SEC62: variants seen among roughly 807,000 people sequenced by gnomAD.
SEC62 encodes translocation protein SEC62.
Under a neutral mutation model 47.5 loss-of-function variants are expected in SEC62, and 10 were observed. The ratio of observed to expected loss-of-function variants is 0.21; its 90% CI spans 0.13 to 0.36. SEC62 has a LOEUF of 0.36. SEC62 is among the 10% of genes least tolerant of loss of function. The probability of loss-of-function intolerance (pLI) is 1.00; values close to 1 mark genes in which losing one functional copy is unlikely to be tolerated. For missense variants in SEC62, 327 were observed against 464.1 expected (o/e 0.70, Z 2.71); for synonymous variants, 136 against 150.5 (o/e 0.90, Z 0.71).
rs534381062 is a variant in SEC62 at position 169,992,066 on chromosome 3, A to T, written c.731-528A>T. 2.0e-5 allele frequency among the ~76,000 whole-genome samples: 3 copies of T among 152,224 alleles called. No individual in the cohort carries two copies. The highest frequency in any genetic ancestry group is 7.2e-5 in the African/African-American group (3 of 41,538). Reference sequence around the variant, plus strand: ...ATGCAGCCCTGCTTTTCCTTCTTAAAGGCTTCCTTCCTAAACACCTTTCAT... The same window carrying T: ...ATGCAGCCCTGCTTTTCCTTCTTAATGGCTTCCTTCCTAAACACCTTTCAT... On this transcript the variant is annotated intron_variant, in intron 7 of 7. Transcript: ENST00000337002. The surrounding 1 kb of genome is among the most constrained non-coding windows in gnomAD (Gnocchi z 4.0).
chr3:169,992,786 A>G lies in SEC62; in HGVS notation c.923A>G (p.Asp308Gly). ...GAAACCAAAAAGCAACAGAAGTCCG[A>G]CAGTGAGGAAAAGTCAGACAGTGAG... ...KSETKKQQKS[D>G]SEEKSDSEKK... The change falls in exon 8 of 8, where the codon GAC becomes GGC. Residue 308 changes from aspartate (D) to glycine (G), a missense_variant. Coordinates refer to ENST00000337002, the MANE Select transcript of SEC62 (RefSeq NM_003262.4). This position sits in a 1 kb window ranked among gnomAD's most constrained non-coding sequence, Gnocchi z 4.0. The G allele has an allele frequency of 1.9e-6, 3 of 1,614,150 alleles. No individual in the cohort carries two copies. Among genetic ancestry groups the G allele is most frequent in the Non-Finnish European group, 2.5e-6 (3 of 1,180,034 alleles).
In SEC62 at chr3:169,995,405, T is replaced by C. The variant is rs1440392127; in HGVS notation, c.*2342T>C. ...AGGTATTTTTCCTTTTCCCTCTTAC[T>C]GGATTTTTCAATTTTCAAACCATAT... is the stretch of plus-strand genomic sequence containing the variant. On this transcript the variant is annotated 3_prime_UTR_variant, in exon 8 of 8. Transcript: ENST00000337002. The C allele has an allele frequency of 6.6e-6, 1 of 152,222 alleles. No individual in the cohort carries two copies. The highest frequency in any genetic ancestry group is 1.5e-5 in the Non-Finnish European group (1 of 68,034). The allele number at this position is 152,222 out of a possible 1,614,324, so 9.4% of individuals were successfully genotyped here. A position where few individuals can be genotyped will look rare whatever the true frequency, so the allele number is the denominator to read the frequency against.
At chr3:169,970,970 T>C (rs888903781) in intron 1 of SEC62, among the ~76,000 whole-genome samples, 2 of 152,266 alleles carry the variant, frequency 1.3e-5, no homozygotes, top group South Asian at 2.1e-4. Flanking sequence ...TACCTTCTTA[T>C]GCTGCATCAG....
At chr3:169,973,151 G>A (rs2108280431) in intron 1 of SEC62, among the ~76,000 whole-genome samples, 1 of 152,276 alleles carries the variant, frequency 6.6e-6, no homozygotes, top group South Asian at 2.1e-4. Context: ...GAAGTGTAGT[G>A]TATTTTACAA....
intron 1 of SEC62, among the ~76,000 whole-genome samples, chr3:169,973,152 T>C (rs1247583094): frequency 6.6e-6 from 1 of 152,226 alleles, no homozygotes; most frequent in Non-Finnish European, 1.5e-5. Flanking sequence ...AAGTGTAGTG[T>C]ATTTTACAAA....
chr3:169,971,802 T>G (rs1714705469), intron 1 of SEC62, among the ~76,000 whole-genome samples: 1 of 152,216 alleles, frequency 6.6e-6, no homozygotes, highest in African/African-American at 2.4e-5. Flanking sequence ...AGTAGATTAG[T>G]ATATTTATGT....
Position 169,993,264 on chromosome 3 carries a change from A to G in SEC62, c.*201A>G. 2.0e-6 allele frequency: 1 copy of G among 504,698 alleles called. No individual in the cohort carries two copies. The highest frequency in any genetic ancestry group is 3.1e-5 in the South Asian group (1 of 32,574). The allele number at this position is 504,698 out of a possible 1,614,324, so 31.3% of individuals were successfully genotyped here. A position where few individuals can be genotyped will look rare whatever the true frequency, so the allele number is the denominator to read the frequency against. ...ATTGGTACAGTTTAAAGCCATTAATATGTTTTATCCATTTGATAATTTTAC... is the reference window on the plus strand; with the variant it reads ...ATTGGTACAGTTTAAAGCCATTAATGTGTTTTATCCATTTGATAATTTTAC... On this transcript the variant is annotated 3_prime_UTR_variant, in exon 8 of 8. Coordinates refer to ENST00000337002, the MANE Select transcript of SEC62 (RefSeq NM_003262.4).
At chr3:169,973,649 C>G (rs1714760463) in intron 1 of SEC62, among the ~76,000 whole-genome samples, 1 of 143,432 alleles carries the variant, frequency 7.0e-6, no homozygotes, top group Non-Finnish European at 1.5e-5. Context: ...GGAGACAGAG[C>G]AAGACTGCGT....
intron 1 of SEC62, chr3:169,968,537 A>T (rs1170194028): frequency 1.1e-5 from 1 of 94,170 alleles, no homozygotes; most frequent in Non-Finnish European, 2.3e-5. Flanking sequence ...ATTTACCTCA[A>T]AAAAAAAAAA....
At chr3:169,989,377 C>T (rs1200867410) in intron 7 of SEC62, among the ~76,000 whole-genome samples, 2 of 20,796 alleles carry the variant, frequency 9.6e-5, no homozygotes, top group Non-Finnish European at 2.0e-4. Flanking sequence ...CCACCACGCC[C>T]AGCCTCCTTC....
At chr3:169,972,600 T>A (rs1464122027) in intron 1 of SEC62, among the ~76,000 whole-genome samples, 4 of 149,114 alleles carry the variant, frequency 2.7e-5, no homozygotes, top group Non-Finnish European at 4.4e-5. Flanking sequence ...TTTTTTTTTT[T>A]ATGTAGAGAA....
intron 3 of SEC62, among the ~76,000 whole-genome samples, chr3:169,979,736 C>G (rs1489064093): frequency 6.6e-6 from 1 of 152,194 alleles, no homozygotes; most frequent in Admixed American, 6.5e-5. Context: ...ATCTAAAGTT[C>G]TACTGAGTTT....
chr3:169,984,150 G>A (rs1715044622), intron 5 of SEC62, among the ~76,000 whole-genome samples: 2 of 152,124 alleles, frequency 1.3e-5, no homozygotes, highest in Non-Finnish European at 2.9e-5. Context: ...ATGGCTCCTA[G>A]GGTTGTGTGT....
intron 5 of SEC62, among the ~76,000 whole-genome samples, chr3:169,984,560 G>C (rs1011681617): frequency 6.6e-6 from 1 of 152,192 alleles, no homozygotes; most frequent in African/African-American, 2.4e-5. Flanking sequence ...GCAAACGCAT[G>C]GGTGCTTGGT....
At chr3:169,984,589 T>A (rs768279733) in intron 5 of SEC62, among the ~76,000 whole-genome samples, 1 of 152,160 alleles carries the variant, frequency 6.6e-6, no homozygotes, top group Non-Finnish European at 1.5e-5. Context: ...AAGCCTAGAT[T>A]TTATTCTGTA....
chr3:169,988,146 C>T, intron 6 of SEC62, 94 bp from the exon 7 acceptor site: 7 of 1,406,114 alleles, frequency 5.0e-6, no homozygotes, highest in Non-Finnish European at 7.0e-6. Flanking sequence ...GTTTATGTTT[C>T]TCAGTTTTTC....
intron 3 of SEC62, among the ~76,000 whole-genome samples, chr3:169,982,397 T>G (rs925466550): frequency 1.3e-5 from 2 of 152,222 alleles, no homozygotes; most frequent in Non-Finnish European, 2.9e-5. Flanking sequence ...GAGTCTTGAT[T>G]ATATGAACCC....
In SEC62 at chr3:169,985,810, T is replaced by C. The variant is rs775934046; in HGVS notation, c.555T>C (p.Tyr185=). Residue 185 remains tyrosine (Y), a synonymous_variant, in exon 6 of 8, where the codon TAT becomes TAC. Transcript: ENST00000337002. ...AGGTTTCTTGATTCTTCTAGGTGTA[T>C]GTATGGATCTATGACCCAGTTCACT... ...DQVFLDGNEV[Y]VWIYDPVHFK... is the part of the protein sequence containing the mutation. 2 of 1,611,596 alleles carry C rather than the reference T, an allele frequency of 1.2e-6. No individual in the cohort carries two copies. Among genetic ancestry groups the C allele is most frequent in the South Asian group, 1.1e-5 (1 of 90,710 alleles).
chr3:169,991,275 G>A (rs558090728), intron 7 of SEC62, among the ~76,000 whole-genome samples: 117 of 152,170 alleles, frequency 7.7e-4, no homozygotes, highest in Non-Finnish European at 1.4e-3. Flanking sequence ...AAAACAAAAA[G>A]GTCAGGTTCA....
Sources: gnomAD v4.1 joint callset for allele counts (sites outside exome capture counted in the v4.1 genomes callset) on GRCh38, gnomAD v4.1.1 for gene constraint, Gnocchi (gnomAD v3.1) non-coding constraint, MANE v1.5 for transcripts, NCBI Gene and HGNC (gene_info 2026-07-23, HGNC 2026-07-21) for gene names.